The following TMEM52B variants were observed in gnomAD, a reference collection of about 807,000 sequenced individuals.
TMEM52B encodes transmembrane protein 52B.
TMEM52B carries 11 observed loss-of-function variants against 16.1 expected under a neutral mutation model. The ratio of observed to expected loss-of-function variants is 0.68; its 90% CI spans 0.43 to 1.13. TMEM52B has a LOEUF of 1.13. TMEM52B is among the 50% of genes most tolerant of loss of function. The pLI is 0.00. For synonymous variants in TMEM52B, 101 were observed against 93.8 expected, an observed-to-expected ratio of 1.08 and a Z score of -0.45; for missense variants, 243 against 230.4, an observed-to-expected ratio of 1.05 and a Z score of -0.35.
intron 4 of TMEM52B, among the ~76,000 whole-genome samples, chr12:10,188,854 T>A (rs186248232): frequency 4.6e-5 from 7 of 151,450 alleles, no homozygotes; most frequent in Non-Finnish European, 7.4e-5. Context: ...CCATCTCTAC[T>A]GAAAATACAA....
intron 2 of TMEM52B, 58 bp from the exon 3 acceptor site, chr12:10,185,272 A>G: frequency 8.7e-7 from 1 of 1,154,934 alleles, no homozygotes; most frequent in Non-Finnish European, 1.3e-6. Context: ...CTGAGTCTGG[A>G]GTTATAACAG....
upstream of TMEM52B, chr12:10,175,146 G>A (rs952449374): frequency 2.0e-5 from 3 of 152,166 alleles, no homozygotes; most frequent in South Asian, 2.1e-4. Context: ...TTGAGTGTGA[G>A]TGAGACCTAT....
Position 10,190,269 on chromosome 12 carries a change from GT to G in TMEM52B, c.*131del. 8.1e-7 allele frequency: 1 copy of G among 1,231,014 alleles called. No individual in the cohort carries two copies. Among genetic ancestry groups the G allele is most frequent in the East Asian group, 2.4e-5 (1 of 42,124 alleles). 76.3% of individuals were successfully genotyped at this position (1,231,014 alleles called of 1,614,324 possible). ...ACACCATCATTCTATGGGAAAGATGGTTCTTACTCTTCGTTCACAGGCCTTT... is the reference window on the plus strand; with the variant it reads ...ACACCATCATTCTATGGGAAAGATGGTCTTACTCTTCGTTCACAGGCCTTT... On this transcript the variant is annotated 3_prime_UTR_variant, in exon 5 of 5. Transcript: ENST00000543484.
upstream of TMEM52B, among the ~76,000 whole-genome samples, chr12:10,174,359 G>A (rs1350333182): frequency 6.6e-6 from 1 of 152,186 alleles, no homozygotes; most frequent in African/African-American, 2.4e-5. Context: ...CACCGTGCTG[G>A]CCTTCTGTGT....
In TMEM52B at chr12:10,186,547, A is replaced by G. The variant is rs927905454; in HGVS notation, c.265A>G (p.Ile89Val). 1 of 1,608,166 alleles carries G rather than the reference A, an allele frequency of 6.2e-7. No individual in the cohort carries two copies. Among genetic ancestry groups the G allele is most frequent in the Admixed American group, 1.7e-5 (1 of 59,838 alleles). Residue 89 changes from isoleucine to valine, a missense_variant, in exon 4 of 5, where the codon ATT (isoleucine) becomes GTT (valine). Physicochemically the swap from Ile to Val is conservative, Grantham distance 29. Coordinates refer to ENST00000543484, the MANE Select transcript of TMEM52B (RefSeq NM_001384896.1). ...GGPPPCEVTVIAFDHDSTLQS... is the reference protein window; with the variant it reads ...GGPPPCEVTVVAFDHDSTLQS... ...CCCACCACCCTGTGAAGTGACCGTC[A>G]TTGCTTTCGATCACGACAGCACTCT...
intron 1 of TMEM52B, among the ~76,000 whole-genome samples, chr12:10,180,810 T>A (rs1409060570): frequency 1.3e-5 from 2 of 152,172 alleles, no homozygotes; most frequent in African/African-American, 4.8e-5. Context: ...GTTGTTGTTG[T>A]TGTTGTTGTT....
In TMEM52B at chr12:10,190,076, C is replaced by G. The variant is rs1181514448; in HGVS notation, c.488C>G (p.Pro163Arg). 1 of 1,614,180 alleles carries G rather than the reference C, an allele frequency of 6.2e-7. No homozygotes were observed. Among genetic ancestry groups the G allele is most frequent in the Non-Finnish European group, 8.5e-7 (1 of 1,180,036 alleles). The change falls in exon 5 of 5, where the codon CCT (proline) becomes CGT (arginine). Residue 163 changes from proline to arginine, a missense_variant. Transcript: ENST00000543484. ...GQKAPDLPPVPEEKQLPPTEK... is the reference protein window; with the variant it reads ...GQKAPDLPPVREEKQLPPTEK... The stretch of plus-strand genomic sequence containing the variant: ...AAAGCACCTGATCTACCCCCAGTAC[C>G]TGAAGAAAAGCAGCTGCCTCCAACA...
Position 10,182,045 on chromosome 12 carries a change from A to C in TMEM52B, c.55-505A>C, listed in dbSNP as rs574041604. On this transcript the variant is annotated intron_variant, in intron 1 of 4. Coordinates refer to ENST00000543484, the MANE Select transcript of TMEM52B (RefSeq NM_001384896.1). Reference sequence around the variant, plus strand: ...CAAAAAAAAAAAAAAAAAAAACAAAAAAAAAAAACTTGTTAGCAGTCTGAG... The same window carrying C: ...CAAAAAAAAAAAAAAAAAAAACAAACAAAAAAAACTTGTTAGCAGTCTGAG... 3.8e-3 allele frequency: 2,384 copies of C among 626,924 alleles called. 31 individuals carry two copies. Among genetic ancestry groups the C allele is most frequent in the African/African-American group, 0.034 (1,620 of 47,970 alleles). 38.8% of individuals were successfully genotyped at this position (626,924 alleles called of 1,614,324 possible).
At chr12:10,184,838 A>ATTT (rs36048805) in intron 2 of TMEM52B, among the ~76,000 whole-genome samples, 14 of 148,946 alleles carry the variant, frequency 9.4e-5, no homozygotes, top group East Asian at 7.9e-4. Flanking sequence ...CTTTCTTAGT[A>ATTT]TTTTTTTTTT....
Position 10,186,404 on chromosome 12 carries a change from C to G in TMEM52B, c.138-16C>G. 1 of 1,592,772 alleles carries G rather than the reference C, an allele frequency of 6.3e-7. No homozygotes were observed. The highest frequency in any genetic ancestry group is 1.1e-5 in the South Asian group (1 of 88,758). ...CCAGATCCCAGAGCTCCCACTCGCCCCGTGGGCTTTTGCAGGTTGCTAGTG... is the reference window on the plus strand; with the variant it reads ...CCAGATCCCAGAGCTCCCACTCGCCGCGTGGGCTTTTGCAGGTTGCTAGTG... On this transcript the variant is annotated splice_polypyrimidine_tract_variant and intron_variant, in intron 3 of 4. Coordinates refer to ENST00000543484, the MANE Select transcript of TMEM52B (RefSeq NM_001384896.1).
chr12:10,179,720 G>A, intron 1 of TMEM52B, 92 bp downstream of exon 1: 2 of 1,489,584 alleles, frequency 1.3e-6, no homozygotes, highest in Non-Finnish European at 1.9e-6. Flanking sequence ...TGCGGGGTGG[G>A]GAGACATATA....
intron 1 of TMEM52B, 97 bp downstream of exon 1, chr12:10,179,725 C>T: frequency 6.9e-7 from 1 of 1,439,754 alleles, no homozygotes; most frequent in Non-Finnish European, 9.8e-7. Context: ...GGTGGGGAGA[C>T]ATATACAGAA....
chr12:10,188,137 T>C (rs1444187650), intron 4 of TMEM52B, among the ~76,000 whole-genome samples: 1 of 151,910 alleles, frequency 6.6e-6, no homozygotes, highest in Admixed American at 6.6e-5. Context: ...AATGATATGA[T>C]GTGTTGCTGT....
chr12:10,181,858 G>A (rs1397009128), intron 1 of TMEM52B, among the ~76,000 whole-genome samples: 1 of 150,472 alleles, frequency 6.6e-6, no homozygotes, highest in Non-Finnish European at 1.5e-5. Flanking sequence ...GAAACCCTGT[G>A]TCTACTAAAA....
In TMEM52B at chr12:10,186,584, T is replaced by A; in HGVS notation, c.302T>A (p.Ile101Asn). ...CACGACAGCACTCTCCAGAGCACTA[T>A]CACATGTGAGTACACTGAACTTTTA... Reference protein sequence around the residue: ...FDHDSTLQSTITSLQSVFGPA... With the variant: ...FDHDSTLQSTNTSLQSVFGPA... The change falls in exon 4 of 5, where the codon ATC (isoleucine) becomes AAC (asparagine). Residue 101 changes from isoleucine (I) to asparagine (N), a missense_variant. Coordinates refer to ENST00000543484, the MANE Select transcript of TMEM52B (RefSeq NM_001384896.1). The A allele has an allele frequency of 1.3e-6, 2 of 1,583,556 alleles. No individual in the cohort carries two copies. Among genetic ancestry groups the A allele is most frequent in the Non-Finnish European group, 1.7e-6 (2 of 1,159,096 alleles).
At position 10,186,402 on chromosome 12, in the gene TMEM52B, C is replaced by A. The variant is rs1948879258; in HGVS notation, c.138-18C>A. The A allele has an allele frequency of 6.3e-7, 1 of 1,591,436 alleles. No individual in the cohort carries two copies. Among genetic ancestry groups the A allele is most frequent in the Admixed American group, 1.7e-5 (1 of 59,068 alleles). ...AGCCAGATCCCAGAGCTCCCACTCG[C>A]CCCGTGGGCTTTTGCAGGTTGCTAG... On this transcript the variant is annotated intron_variant, in intron 3 of 4. Coordinates refer to ENST00000543484, the MANE Select transcript of TMEM52B (RefSeq NM_001384896.1).
At chr12:10,175,081 A>G (rs1012124060), upstream of TMEM52B, among the ~76,000 whole-genome samples, 2 of 152,146 alleles carry the variant, frequency 1.3e-5, no homozygotes, top group African/African-American at 4.8e-5. Flanking sequence ...AAAATTTTAG[A>G]GGGCTCTCAT....
At chr12:10,182,628 A>G in intron 2 of TMEM52B, 35 bp downstream of exon 2, 1 of 1,526,856 alleles carries the variant, frequency 6.5e-7, no homozygotes, top group Non-Finnish European at 8.8e-7. Flanking sequence ...GGAAGGAGCA[A>G]CAGACCAAAA....
intron 4 of TMEM52B, among the ~76,000 whole-genome samples, chr12:10,189,371 C>A (rs558142136): frequency 5.3e-5 from 8 of 152,036 alleles, no homozygotes; most frequent in Admixed American, 1.3e-4. Context: ...CTCCTGTAAT[C>A]CCAGCACTTT....
Sources: gnomAD v4.1 joint callset for allele counts (sites outside exome capture counted in the v4.1 genomes callset) on GRCh38, gnomAD v4.1.1 for gene constraint, MANE v1.5 for transcripts, NCBI Gene and HGNC (gene_info 2026-07-23, HGNC 2026-07-21) for gene names.